Variants in DCAF1 observed in about 807,000 individuals in gnomAD.
DCAF1 encodes the protein DDB1- and CUL4-associated factor 1.
DCAF1 carries 15 observed loss-of-function variants against 128.0 expected under a neutral mutation model. That is an observed-to-expected ratio of 0.12 (90% CI 0.08 to 0.18). The LOEUF is 0.18. Among genes scored for constraint, DCAF1 ranks in the 10% least tolerant of loss-of-function variants. The pLI, the probability that DCAF1 is intolerant of heterozygous loss-of-function variation, is 1.00. For synonymous variants in DCAF1, 610 were observed against 603.0 expected (o/e 1.01, Z -0.17); for missense variants, 988 against 1,649.5 (o/e 0.60, Z 6.95).
In DCAF1 at chr3:51,420,290, C is replaced by G; in HGVS notation, c.2680G>C (p.Ala894Pro). ...SSAFTPVTAA[A>P]SPVSLPRTPR... ...GTTCGGGGTAGAGAGACAGGAGAAGCAGCAGCAGTGACTGGGGTAAAGGCA... is the reference window on the plus strand; with the variant it reads ...GTTCGGGGTAGAGAGACAGGAGAAGGAGCAGCAGTGACTGGGGTAAAGGCA... Residue 894 changes from alanine to proline, a missense_variant, in exon 15 of 25, where the codon GCT (alanine) becomes CCT (proline). This residue lies in a region of DCAF1 where 88 missense variants were observed against 107.7 expected (regional missense o/e 0.82). Coordinates refer to ENST00000684031, the MANE Select transcript of DCAF1 (RefSeq NM_001387579.1). The surrounding 1 kb of genome is among the most constrained non-coding windows in gnomAD (Gnocchi z 6.5). 6.2e-7 allele frequency: 1 copy of G among 1,614,010 alleles called. No homozygotes were observed. Among genetic ancestry groups the G allele is most frequent in the Non-Finnish European group, 8.5e-7 (1 of 1,179,902 alleles).
intron 18 of DCAF1, 46 bp downstream of exon 18, chr3:51,416,741 C>A: frequency 1.9e-6 from 3 of 1,571,464 alleles, no homozygotes; most frequent in Non-Finnish European, 2.6e-6. Flanking sequence ...TCAGTATGAA[C>A]AAATGGGTAT....
chr3:51,433,795 T>G lies in DCAF1; in HGVS notation c.1129-531A>C, dbSNP rs971949697. Among the ~76,000 whole-genome samples, 3 of 149,222 alleles carry G rather than the reference T, an allele frequency of 2.0e-5. No homozygotes were observed. In the South Asian group the frequency reaches 6.6e-4, roughly 33 times the overall value. Reference sequence around the variant, plus strand: ...TTTATGAAGGTGAAAGATATTGCTGTAAGGGCTGGGTGCAGTGGCTCACGC... The same window carrying G: ...TTTATGAAGGTGAAAGATATTGCTGGAAGGGCTGGGTGCAGTGGCTCACGC... On this transcript the variant is annotated intron_variant, in intron 9 of 24. Coordinates refer to ENST00000684031, the MANE Select transcript of DCAF1 (RefSeq NM_001387579.1).
intron 2 of DCAF1, among the ~76,000 whole-genome samples, chr3:51,494,114 CTTT>C (rs1285822599): frequency 7.3e-5 from 10 of 137,636 alleles, no homozygotes; most frequent in Admixed American, 2.2e-4. Flanking sequence ...ATGAGGTTTC[CTTT>C]TTTTTTTTTT....
At chr3:51,464,279 G>A (rs1471991378) in intron 5 of DCAF1, among the ~76,000 whole-genome samples, 1 of 151,230 alleles carries the variant, frequency 6.6e-6, no homozygotes, top group Non-Finnish European at 1.5e-5. Flanking sequence ...ACAATAATAT[G>A]TATTAATAAA....
At chr3:51,421,676 T>A (rs1699404556) in intron 14 of DCAF1, among the ~76,000 whole-genome samples, 1 of 152,198 alleles carries the variant, frequency 6.6e-6, no homozygotes, top group Admixed American at 6.5e-5. Flanking sequence ...AAAAACCAAG[T>A]GCCTGTGTCT....
At chr3:51,488,572 G>A (rs1330124163) in intron 2 of DCAF1, among the ~76,000 whole-genome samples, 1 of 152,144 alleles carries the variant, frequency 6.6e-6, no homozygotes, top group Non-Finnish European at 1.5e-5. Context: ...GGAGGCCAAG[G>A]CAGGCAGATC....
intron 23 of DCAF1, among the ~76,000 whole-genome samples, chr3:51,409,053 G>A (rs111694854): frequency 5.3e-5 from 8 of 152,062 alleles, no homozygotes; most frequent in Non-Finnish European, 1.2e-4. Context: ...TGGCTGTCAC[G>A]CTGAGGCAGC....
At chr3:51,471,985 T>C (rs1351561452) in intron 3 of DCAF1, among the ~76,000 whole-genome samples, 1 of 152,186 alleles carries the variant, frequency 6.6e-6, no homozygotes, top group Non-Finnish European at 1.5e-5. Flanking sequence ...CCTATCCTCA[T>C]CCAGACCACC....
At chr3:51,438,916 G>A (rs1559511366) in intron 9 of DCAF1, among the ~76,000 whole-genome samples, 1 of 152,118 alleles carries the variant, frequency 6.6e-6, no homozygotes, top group Non-Finnish European at 1.5e-5. Context: ...GCGCCGAAGT[G>A]TTATATACAT....
chr3:51,406,781 C>T (rs2090145973), intron 23 of DCAF1, among the ~76,000 whole-genome samples: 1 of 152,220 alleles, frequency 6.6e-6, no homozygotes, highest in Non-Finnish European at 1.5e-5. Flanking sequence ...TTACCACAGA[C>T]ACTTTTCTCA....
At chr3:51,492,541 C>T (rs566753111) in intron 2 of DCAF1, among the ~76,000 whole-genome samples, 2 of 151,922 alleles carry the variant, frequency 1.3e-5, no homozygotes, top group African/African-American at 4.8e-5. Context: ...GGCCAAGAAA[C>T]GCATGAAAGA....
At position 51,441,824 on chromosome 3, in the gene DCAF1, G is replaced by A. The variant is rs377298060; in HGVS notation, c.587C>T (p.Pro196Leu). 6 of 1,613,510 alleles carry A rather than the reference G, an allele frequency of 3.7e-6. No homozygotes were observed. In the African/African-American group the frequency reaches 8.0e-5, roughly 22 times the overall value. Residue 196 changes from proline (P) to leucine (L), a missense_variant, in exon 8 of 25, where the codon CCC (proline) becomes CTC (leucine). Around this residue, in one of 11 missense-constraint regions of DCAF1, gnomAD observed 210 missense variants for 260.2 expected, o/e 0.81. Transcript: ENST00000684031. Reference protein sequence around the residue: ...EVALRQENKRPSPRKLSSEPL... With the variant: ...EVALRQENKRLSPRKLSSEPL... ...TTCAGAAGAGAGCTTCCGTGGACTG[G>A]GACGCTTGTTTTCCTGCCGCAAAGC...
intron 6 of DCAF1, among the ~76,000 whole-genome samples, chr3:51,462,745 CAA>C (rs10715121): frequency 0.021 from 1,640 of 79,336 alleles, 25 homozygotes; most frequent in African/African-American, 0.068. Context: ...GACACCATCT[CAA>C]AAAAAAAAAA....
intron 6 of DCAF1, among the ~76,000 whole-genome samples, chr3:51,457,898 G>A (rs188676082): frequency 1.3e-3 from 199 of 152,230 alleles, no homozygotes; most frequent in Non-Finnish European, 2.2e-3. Flanking sequence ...TGCCTTACAA[G>A]AGCTCCTGAA....
intron 6 of DCAF1, among the ~76,000 whole-genome samples, chr3:51,444,793 A>C (rs1701687464): frequency 6.6e-6 from 1 of 152,098 alleles, no homozygotes; most frequent in Middle Eastern, 3.4e-3. Context: ...CTCCTGCCTT[A>C]GCCTCCCGAG....
intron 24 of DCAF1, among the ~76,000 whole-genome samples, chr3:51,401,296 T>C (rs1317604352): frequency 2.0e-5 from 3 of 152,216 alleles, no homozygotes; most frequent in African/African-American, 7.2e-5. Context: ...GCTTTCACCC[T>C]ATCCTAAAAG....
Position 51,461,785 on chromosome 3 carries a change from C to T in DCAF1, c.375+1329G>A, listed in dbSNP as rs147389393. ...TAGGGACATGGATGAAACTGCCAAC[C>T]ATCATTCTCAGCAAACTATCGCAAG... On this transcript the variant is annotated intron_variant, in intron 6 of 24. Transcript: ENST00000684031. Among the ~76,000 whole-genome samples the T allele has an allele frequency of 2.3e-3, 350 of 152,118 alleles. 3 individuals are homozygous for T. The East Asian group carries it at 0.028, about 12-fold the overall frequency.
chr3:51,436,436 A>C (rs1700838328), intron 9 of DCAF1: 1 of 519,996 alleles, frequency 1.9e-6, no homozygotes, highest in South Asian at 1.4e-5. Flanking sequence ...ATACGGAATT[A>C]TGACACTGAG....
chr3:51,435,032 A>C (rs1185362216), intron 9 of DCAF1, among the ~76,000 whole-genome samples: 1 of 152,210 alleles, frequency 6.6e-6, no homozygotes, highest in East Asian at 1.9e-4. Flanking sequence ...AAAAACAGGG[A>C]TGTGCCCTCT....
Sources: gnomAD v4.1 joint callset for allele counts (sites outside exome capture counted in the v4.1 genomes callset) on GRCh38, gnomAD v4.1.1 for gene constraint, gnomAD v4.1.1 regional missense constraint, Gnocchi (gnomAD v3.1) non-coding constraint, MANE v1.5 for transcripts, NCBI Gene and HGNC (gene_info 2026-07-23, HGNC 2026-07-21) for gene names.